AGBL1: variants seen among roughly 807,000 people sequenced by gnomAD.
AGBL1 encodes the protein cytosolic carboxypeptidase 4.
AGBL1 carries 130 observed loss-of-function variants against 118.9 expected under a neutral mutation model. The observed-to-expected ratio is 1.09, with a 90% confidence interval of 0.95 to 1.26. The LOEUF (loss-of-function observed/expected upper bound fraction) is 1.26, where lower values mean the gene tolerates loss of function less well. Ranked by LOEUF, AGBL1 falls within the 50% of genes most tolerant of loss-of-function variation. The pLI is 0.00. For synonymous variants in AGBL1, 555 were observed against 478.9 expected (o/e 1.16, Z -2.08); for missense variants, 1,584 against 1,298.1 (o/e 1.22, Z -3.38).
intron 5 of AGBL1, among the ~76,000 whole-genome samples, chr15:86,223,635 T>C (rs1037929521): frequency 2.6e-5 from 4 of 152,166 alleles, no homozygotes; most frequent in African/African-American, 9.7e-5. Context: ...AAAGCTAGCC[T>C]CGCCCTCTTT....
intron 21 of AGBL1, among the ~76,000 whole-genome samples, chr15:86,672,267 T>G (rs16977913): frequency 0.12 from 17,828 of 152,244 alleles, 1,938 homozygotes; most frequent in African/African-American, 0.29. Flanking sequence ...CAATGACAAC[T>G]ATGACCTGAA....
intron 18 of AGBL1, among the ~76,000 whole-genome samples, chr15:86,508,735 A>G (rs2083014932): frequency 6.6e-6 from 1 of 152,162 alleles, no homozygotes; most frequent in Admixed American, 6.6e-5. Flanking sequence ...GATGATGAGT[A>G]TTGAAGCAGA....
chr15:86,927,006 G>A (rs2141628719), intron 23 of AGBL1, among the ~76,000 whole-genome samples: 1 of 151,882 alleles, frequency 6.6e-6, no homozygotes, highest in East Asian at 1.9e-4. Flanking sequence ...TGGTGTGGTG[G>A]TGGGCGCCTG....
intron 16 of AGBL1, among the ~76,000 whole-genome samples, chr15:86,285,635 A>G (rs2079430883): frequency 6.6e-6 from 1 of 152,188 alleles, no homozygotes; most frequent in South Asian, 2.1e-4. Flanking sequence ...TCCTTTACAC[A>G]TGACCCAGTC....
At position 86,932,672 on chromosome 15, in the gene AGBL1, G is replaced by A. The variant is rs1351155426; in HGVS notation, c.3222-55315G>A. On this transcript the variant is annotated intron_variant, in intron 23 of 24. Transcript: ENST00000441037. ...GAGTCTTGTATTTTTTTCCAAAATCGCTTTGCAATGACATCAACTATGGCT... is the reference window on the plus strand; with the variant it reads ...GAGTCTTGTATTTTTTTCCAAAATCACTTTGCAATGACATCAACTATGGCT... 2.0e-5 allele frequency among the ~76,000 whole-genome samples: 3 copies of A among 151,768 alleles called. No individual in the cohort carries two copies. The East Asian group carries it at 5.8e-4, about 29-fold the overall frequency.
At chr15:86,550,391 C>T (rs1279598763) in intron 20 of AGBL1, among the ~76,000 whole-genome samples, 2 of 151,996 alleles carry the variant, frequency 1.3e-5, no homozygotes, top group Non-Finnish European at 2.9e-5. Flanking sequence ...AAATGACATG[C>T]TTTTGATTCA....
At chr15:86,326,928 CTT>C (rs772129735) in intron 17 of AGBL1, among the ~76,000 whole-genome samples, 25 of 138,480 alleles carry the variant, frequency 1.8e-4, no homozygotes, top group Admixed American at 3.6e-4. Flanking sequence ...TTTTCTTTTT[CTT>C]TTTTTTTTTT....
At chr15:86,173,910 TG>T (rs2077447928) in intron 5 of AGBL1, among the ~76,000 whole-genome samples, 1 of 152,166 alleles carries the variant, frequency 6.6e-6, no homozygotes. Flanking sequence ...TGCTTAGGAT[TG>T]CTTCGGCTAT....
intron 18 of AGBL1, among the ~76,000 whole-genome samples, chr15:86,456,511 A>G (rs2082260098): frequency 1.3e-5 from 2 of 152,178 alleles, no homozygotes; most frequent in Admixed American, 6.5e-5. Flanking sequence ...TGAGAAGAAA[A>G]ACCTCTAACT....
chr15:86,995,285 C>A (rs1238748668), intron 24 of AGBL1, among the ~76,000 whole-genome samples: 1 of 152,052 alleles, frequency 6.6e-6, no homozygotes, highest in Non-Finnish European at 1.5e-5. Context: ...TATCAGGAGG[C>A]TGAGGTGGAA....
chr15:86,733,516 G>A (rs1323785951), intron 22 of AGBL1, among the ~76,000 whole-genome samples: 3 of 152,168 alleles, frequency 2.0e-5, no homozygotes, highest in Non-Finnish European at 1.5e-5. Flanking sequence ...TGTCCCAGAT[G>A]AGAATATTTA....
At chr15:86,611,032 A>G (rs937389756) in intron 21 of AGBL1, among the ~76,000 whole-genome samples, 3 of 152,170 alleles carry the variant, frequency 2.0e-5, no homozygotes, top group African/African-American at 7.2e-5. Context: ...AGACCTCCAG[A>G]TGATCCTGAT....
In AGBL1 at chr15:86,875,353, A is replaced by G. The variant is rs546549397; in HGVS notation, c.3159-31734A>G. ...TTACTATCCAGAACGTGGTTGACAAATGTACCAGTTTCCCTTAGACACACA... is the reference window on the plus strand; with the variant it reads ...TTACTATCCAGAACGTGGTTGACAAGTGTACCAGTTTCCCTTAGACACACA... On this transcript the variant is annotated intron_variant, in intron 22 of 22. Coordinates refer to ENST00000614907, the MANE Select transcript of AGBL1 (RefSeq NM_001386094.1). Among the ~76,000 whole-genome samples the G allele has an allele frequency of 3.3e-5, 5 of 152,292 alleles. No individual in the cohort carries two copies. The East Asian group carries it at 9.7e-4, about 29-fold the overall frequency.
At chr15:86,269,030 T>A (rs1174556798) in intron 13 of AGBL1, among the ~76,000 whole-genome samples, 2 of 152,176 alleles carry the variant, frequency 1.3e-5, no homozygotes, top group Admixed American at 6.5e-5. Context: ...TTGCTAGAGA[T>A]CAGAAAAATA....
intron 4 of AGBL1, among the ~76,000 whole-genome samples, chr15:86,154,923 A>G (rs1380687716): frequency 6.6e-6 from 1 of 152,152 alleles, no homozygotes; most frequent in Non-Finnish European, 1.5e-5. Flanking sequence ...TTCAAGTGTT[A>G]TATCTGGGCA....
chr15:86,967,678 G>T (rs1441688319), intron 23 of AGBL1, among the ~76,000 whole-genome samples: 2 of 152,062 alleles, frequency 1.3e-5, no homozygotes, highest in Admixed American at 1.3e-4. Flanking sequence ...CTGTTCCATT[G>T]TTCTATATCT....
At chr15:86,285,156 A>G (rs2079421343) in intron 16 of AGBL1, among the ~76,000 whole-genome samples, 1 of 152,180 alleles carries the variant, frequency 6.6e-6, no homozygotes, top group Admixed American at 6.5e-5. Flanking sequence ...AAGGAAATCC[A>G]ACAGAAATTT....
chr15:86,949,175 AT>A (rs373440797), intron 23 of AGBL1, among the ~76,000 whole-genome samples: 413 of 152,378 alleles, frequency 2.7e-3, no homozygotes, highest in African/African-American at 9.2e-3. Context: ...AAATAAAAAA[AT>A]AATGACCCAT....
At position 86,853,375 on chromosome 15, in the gene AGBL1, C is replaced by T. The variant is rs561599926; in HGVS notation, c.3159-53712C>T. 1.3e-4 allele frequency among the ~76,000 whole-genome samples: 20 copies of T among 152,192 alleles called. No individual in the cohort carries two copies. The South Asian group carries it at 2.5e-3, about 19-fold the overall frequency. On this transcript the variant is annotated intron_variant, in intron 22 of 22. Transcript: ENST00000614907. ...GCTAATTACCTTATTTTTTATATCT[C>T]GATTTCTAGTCATCAGAAATAAATA...
Sources: allele counts gnomAD v4.1 joint callset (sites outside exome capture counted in the v4.1 genomes callset), GRCh38; gene constraint gnomAD v4.1.1; transcripts MANE v1.5; gene names NCBI Gene and HGNC (gene_info 2026-07-23, HGNC 2026-07-21).